Variants in ADGRL3 observed in about 807,000 individuals in gnomAD.
ADGRL3 encodes the protein adhesion G protein-coupled receptor L3.
A neutral mutation model predicts 153.5 loss-of-function variants in ADGRL3; 62 were observed. The observed-to-expected ratio is 0.40, with a 90% CI of 0.33 to 0.50. ADGRL3 has a LOEUF of 0.50. Among genes scored for constraint, ADGRL3 ranks in the 20% least tolerant of loss-of-function variants. ADGRL3 has a pLI of 0.47. For missense variants in ADGRL3, 1,641 were observed against 1,859.4 expected, an observed-to-expected ratio of 0.88 and a Z score of 2.16; for synonymous variants, 710 against 672.5, an observed-to-expected ratio of 1.06 and a Z score of -0.86.
At chr4:61,825,256 C>A (rs1280485934) in intron 9 of ADGRL3, among the ~76,000 whole-genome samples, 1 of 152,160 alleles carries the variant, frequency 6.6e-6, no homozygotes, top group East Asian at 1.9e-4. Context: ...TGGCCATGGA[C>A]AAAACCATTG....
chr4:61,703,630 A>G (rs2095805820), intron 6 of ADGRL3, among the ~76,000 whole-genome samples: 1 of 152,132 alleles, frequency 6.6e-6, no homozygotes, highest in South Asian at 2.1e-4. Flanking sequence ...AGATTCATTT[A>G]TAAGAGATAG....
chr4:61,843,053 A>G lies in ADGRL3; in HGVS notation c.1480+29164A>G, dbSNP rs546342163. On this transcript the variant is annotated intron_variant, in intron 9 of 26. Coordinates refer to ENST00000683033, the MANE Select transcript of ADGRL3 (RefSeq NM_001387552.1). ...ACTGGTATTGAGAGATTCAACTGAA[A>G]AAAAAGGAGTAAAGAGCACCAAGGA... Among the ~76,000 whole-genome samples the G allele has an allele frequency of 3.3e-4, 51 of 152,268 alleles. 2 individuals are homozygous for G. The highest frequency in any genetic ancestry group is 3.4e-3 in the Middle Eastern group (1 of 294).
intron 2 of ADGRL3, among the ~76,000 whole-genome samples, chr4:61,454,341 G>A (rs2097709345): frequency 6.6e-6 from 1 of 151,970 alleles, no homozygotes; most frequent in Non-Finnish European, 1.5e-5. Flanking sequence ...TGTTTGGCTT[G>A]TTTTTTATTC....
At chr4:61,714,989 A>G (rs1234673515) in intron 6 of ADGRL3, among the ~76,000 whole-genome samples, 3 of 152,172 alleles carry the variant, frequency 2.0e-5, no homozygotes, top group Admixed American at 6.5e-5. Flanking sequence ...TCATCAATCA[A>G]TAAGTATTTC....
intron 17 of ADGRL3, among the ~76,000 whole-genome samples, chr4:61,958,115 T>C (rs2098974299): frequency 6.6e-6 from 1 of 152,222 alleles, no homozygotes; most frequent in South Asian, 2.1e-4. Flanking sequence ...ATTTATATTA[T>C]AATCATCTCT....
intron 21 of ADGRL3, among the ~76,000 whole-genome samples, chr4:62,011,026 A>G (rs191300724): frequency 6.6e-6 from 1 of 152,280 alleles, no homozygotes; most frequent in Non-Finnish European, 1.5e-5. Flanking sequence ...ATATCCTAAA[A>G]TGACTTCATA....
At chr4:62,053,031 G>GA (rs1433032403) in intron 25 of ADGRL3, among the ~76,000 whole-genome samples, 2 of 151,306 alleles carry the variant, frequency 1.3e-5, no homozygotes, top group East Asian at 3.9e-4. Flanking sequence ...CTCTCATCTG[G>GA]AAAAATGTTC....
chr4:62,060,978 C>A (rs535548018), intron 25 of ADGRL3, among the ~76,000 whole-genome samples: 160 of 152,020 alleles, frequency 1.1e-3, no homozygotes, highest in African/African-American at 3.5e-3. Flanking sequence ...GATGCAATCA[C>A]ATGAGTTATT....
At chr4:61,589,669 A>G (rs1560894168) in intron 5 of ADGRL3, among the ~76,000 whole-genome samples, 2 of 152,066 alleles carry the variant, frequency 1.3e-5, no homozygotes, top group Non-Finnish European at 2.9e-5. Context: ...AAACAGCATG[A>G]TTATCACCGT....
intron 5 of ADGRL3, among the ~76,000 whole-genome samples, chr4:61,673,075 T>C (rs1325402256): frequency 6.6e-6 from 1 of 151,890 alleles, no homozygotes; most frequent in African/African-American, 2.4e-5. Context: ...ATGAAATAAG[T>C]GAGACATCAA....
At chr4:61,448,849 GAAGGAAGGGAGGGAAGGAAGGAAGGA>G in intron 2 of ADGRL3, among the ~76,000 whole-genome samples, 1 of 4,138 alleles carries the variant, frequency 2.4e-4, no homozygotes, top group Non-Finnish European at 1.7e-3. Flanking sequence ...GGAAGGAAGG[GAAGGAAGGGAGGGAAGGAAGGAAGGA>G]AAGGAAGGAA....
At chr4:61,449,049 T>C (rs901746435) in intron 2 of ADGRL3, among the ~76,000 whole-genome samples, 2 of 152,182 alleles carry the variant, frequency 1.3e-5, no homozygotes, top group Non-Finnish European at 2.9e-5. Flanking sequence ...AGAGCACTTA[T>C]AATTTGAAGA....
intron 2 of ADGRL3, among the ~76,000 whole-genome samples, chr4:61,436,722 A>G (rs1299245435): frequency 6.6e-6 from 1 of 152,148 alleles, no homozygotes; most frequent in Non-Finnish European, 1.5e-5. Context: ...ATACAAAGGT[A>G]GAGCAGTCTC....
intron 4 of ADGRL3, among the ~76,000 whole-genome samples, chr4:61,556,553 C>T (rs2098768192): frequency 6.6e-6 from 1 of 152,076 alleles, no homozygotes; most frequent in Non-Finnish European, 1.5e-5. Context: ...AAAAGAGTCA[C>T]TCTCCCTGCA....
At chr4:61,385,558 C>T (rs2096726579) in intron 2 of ADGRL3, 1 of 152,198 alleles carries the variant, frequency 6.6e-6, no homozygotes, top group Non-Finnish European at 1.5e-5. Context: ...GCGCCTCCAG[C>T]AGAAGTGAAC....
intron 1 of ADGRL3, among the ~76,000 whole-genome samples, chr4:61,349,622 G>A (rs561014362): frequency 1.3e-5 from 2 of 152,076 alleles, no homozygotes; most frequent in East Asian, 1.9e-4. Context: ...CTCCTTTACC[G>A]CCTGTTAAAT....
At chr4:62,035,965 C>T (rs1232941793) in intron 23 of ADGRL3, among the ~76,000 whole-genome samples, 1 of 152,038 alleles carries the variant, frequency 6.6e-6, no homozygotes, top group African/African-American at 2.4e-5. Flanking sequence ...GTAGAAGTTT[C>T]TTCTTTTCAC....
intron 9 of ADGRL3, among the ~76,000 whole-genome samples, chr4:61,859,552 T>G (rs1221369102): frequency 6.6e-6 from 1 of 152,192 alleles, no homozygotes; most frequent in African/African-American, 2.4e-5. Flanking sequence ...AACTTCACAT[T>G]GACTCCATAC....
chr4:61,477,172 T>G (rs535544039), intron 2 of ADGRL3, among the ~76,000 whole-genome samples: 1 of 152,264 alleles, frequency 6.6e-6, no homozygotes, highest in South Asian at 2.1e-4. Context: ...CTATTCAAAT[T>G]ACGTAAAATC....
Sources: gnomAD v4.1 joint callset for allele counts (sites outside exome capture counted in the v4.1 genomes callset) on GRCh38, gnomAD v4.1.1 for gene constraint, MANE v1.5 for transcripts, NCBI Gene and HGNC (gene_info 2026-07-23, HGNC 2026-07-21) for gene names.